The following NUDT7 variants were observed in gnomAD, a reference collection of about 807,000 sequenced individuals.
NUDT7 encodes the protein nudix hydrolase 7.
NUDT7 carries 19 observed loss-of-function variants against 13.1 expected under a neutral mutation model. That is an observed-to-expected ratio of 1.45 (90% CI 1.01 to 2.13). The LOEUF (loss-of-function observed/expected upper bound fraction) is 2.13, where lower values mean the gene tolerates loss of function less well. Ranked by LOEUF, NUDT7 falls within the 30% of genes most tolerant of loss-of-function variation. NUDT7 has a pLI of 0.00. For missense variants in NUDT7, 360 were observed against 291.7 expected, an observed-to-expected ratio of 1.23 and a Z score of -1.71; for synonymous variants, 132 against 109.7, an observed-to-expected ratio of 1.20 and a Z score of -1.27.
Position 77,742,207 on chromosome 16 carries a change from T to C in NUDT7, c.*257T>C. On this transcript the variant is annotated 3_prime_UTR_variant, in exon 4 of 4. Transcript: ENST00000268533. ...AATAATATTTTTCTTACACATATAA[T>C]AAAGAATATCTGGCACATACTAGGC... 1.0e-6 allele frequency: 1 copy of C among 971,288 alleles called. No homozygotes were observed. Among genetic ancestry groups the C allele is most frequent in the East Asian group, 5.4e-5 (1 of 18,414 alleles). The allele number at this position is 971,288 out of a possible 1,614,324, so 60.2% of individuals were successfully genotyped here. A position where few individuals can be genotyped will look rare whatever the true frequency, so the allele number is the denominator to read the frequency against.
chr16:77,722,559 C>G lies in NUDT7; in HGVS notation c.-24C>G. 4 of 1,577,564 alleles carry G rather than the reference C, an allele frequency of 2.5e-6. No homozygotes were observed. The highest frequency in any genetic ancestry group is 3.4e-6 in the Non-Finnish European group (4 of 1,160,860). Reference sequence around the variant, plus strand: ...ACCGAGCAGCTCCGAGGAGTCCGCCCGGAAACAAACATTCCCCAGGGCAAT... The same window carrying G: ...ACCGAGCAGCTCCGAGGAGTCCGCCGGGAAACAAACATTCCCCAGGGCAAT... On this transcript the variant is annotated 5_prime_UTR_variant, in exon 1 of 4. Transcript: ENST00000268533.
At chr16:77,725,336 T>G (rs2014096239) in intron 1 of NUDT7, 95 bp from the exon 2 acceptor site, 2 of 1,174,732 alleles carry the variant, frequency 1.7e-6, no homozygotes, top group Non-Finnish European at 2.4e-6. Flanking sequence ...GGCAAACTCC[T>G]AAATACACAA....
chr16:77,723,041 T>G (rs2014010507), intron 1 of NUDT7, among the ~76,000 whole-genome samples: 1 of 152,176 alleles, frequency 6.6e-6, no homozygotes, highest in African/African-American at 2.4e-5. Context: ...TGTGATCACT[T>G]GCCGGGCTGT....
chr16:77,732,089 G>A (rs113159376), intron 2 of NUDT7, among the ~76,000 whole-genome samples: 14,659 of 152,148 alleles, frequency 0.096, 814 homozygotes, highest in African/African-American at 0.16. Context: ...CACTTTGGGA[G>A]GCCAAGGTGG....
chr16:77,735,573 A>G, intron 2 of NUDT7: 2 of 566,246 alleles, frequency 3.5e-6, no homozygotes, highest in East Asian at 2.8e-5. Flanking sequence ...ATAGCAGTGC[A>G]AGAACAGATT....
At chr16:77,732,503 A>C (rs1286577266) in intron 2 of NUDT7, among the ~76,000 whole-genome samples, 1 of 152,120 alleles carries the variant, frequency 6.6e-6, no homozygotes, top group Non-Finnish European at 1.5e-5. Context: ...TTTATGGTAA[A>C]TGCCCCATAC....
At chr16:77,726,194 C>T (rs1567426397) in intron 2 of NUDT7, among the ~76,000 whole-genome samples, 1 of 152,240 alleles carries the variant, frequency 6.6e-6, no homozygotes, top group Non-Finnish European at 1.5e-5. Flanking sequence ...CCAGCTGTGA[C>T]TTTGGCCTCG....
At chr16:77,734,860 A>G (rs1359674080) in intron 2 of NUDT7, among the ~76,000 whole-genome samples, 1 of 152,072 alleles carries the variant, frequency 6.6e-6, no homozygotes, top group African/African-American at 2.4e-5. Context: ...ATGAGAATCA[A>G]CTGTTGTATG....
intron 3 of NUDT7, chr16:77,736,744 G>A (rs868401769): frequency 4.4e-6 from 1 of 226,864 alleles, no homozygotes; most frequent in Non-Finnish European, 9.4e-6. Context: ...GGGATTACAG[G>A]TGTGAACCAC....
At chr16:77,731,547 TTGATAA>T (rs767501213) in intron 2 of NUDT7, among the ~76,000 whole-genome samples, 7 of 152,324 alleles carry the variant, frequency 4.6e-5, no homozygotes, top group Non-Finnish European at 8.8e-5. Flanking sequence ...TATATAATAC[TTGATAA>T]TGATAAAAAA....
At chr16:77,730,353 C>T (rs923015945) in intron 2 of NUDT7, among the ~76,000 whole-genome samples, 5 of 152,158 alleles carry the variant, frequency 3.3e-5, no homozygotes, top group Non-Finnish European at 5.9e-5. Context: ...TTTTAATATT[C>T]CACATATGAA....
intron 3 of NUDT7, chr16:77,736,571 C>T (rs1009330560): frequency 5.4e-6 from 1 of 185,350 alleles, no homozygotes; most frequent in African/African-American, 2.3e-5. Flanking sequence ...TACATCAAAA[C>T]ATTTAAAATA....
intron 2 of NUDT7, chr16:77,735,300 G>A: frequency 2.4e-6 from 1 of 416,326 alleles, no homozygotes; most frequent in Middle Eastern, 6.1e-4. Flanking sequence ...TTCCCCCTTG[G>A]TACTGTCATC....
intron 2 of NUDT7, among the ~76,000 whole-genome samples, chr16:77,734,769 G>A (rs1012799912): frequency 6.6e-6 from 1 of 152,106 alleles, no homozygotes; most frequent in African/African-American, 2.4e-5. Flanking sequence ...AAAAACATAT[G>A]TGAAGGGAAA....
At chr16:77,733,885 G>A (rs1257645373) in intron 2 of NUDT7, among the ~76,000 whole-genome samples, 1 of 152,138 alleles carries the variant, frequency 6.6e-6, no homozygotes, top group Non-Finnish European at 1.5e-5. Context: ...AGGTCACTCT[G>A]CTGAGATATT....
chr16:77,724,213 C>G (rs962737965), intron 1 of NUDT7, among the ~76,000 whole-genome samples: 13 of 152,278 alleles, frequency 8.5e-5, no homozygotes, highest in Middle Eastern at 6.8e-3. Context: ...CTGCCGCCAT[C>G]TTCACATGGT....
chr16:77,725,117 G>C (rs1034236181), intron 1 of NUDT7, among the ~76,000 whole-genome samples: 4 of 152,172 alleles, frequency 2.6e-5, no homozygotes, highest in African/African-American at 9.7e-5. Flanking sequence ...CATCAAACCT[G>C]TCTTCTCTGA....
At chr16:77,725,943 C>G (rs56101135) in intron 2 of NUDT7, among the ~76,000 whole-genome samples, 3,846 of 152,226 alleles carry the variant, frequency 0.025, 162 homozygotes, top group African/African-American at 0.085. Flanking sequence ...GTAGCACACA[C>G]AAACACAAGC....
In NUDT7 at chr16:77,742,098, G is replaced by T; in HGVS notation, c.*148G>T. The T allele has an allele frequency of 2.1e-6, 3 of 1,398,760 alleles. No individual in the cohort carries two copies. The highest frequency in any genetic ancestry group is 2.8e-6 in the Non-Finnish European group (3 of 1,082,078). 86.6% of individuals were successfully genotyped at this position (1,398,760 alleles called of 1,614,324 possible). ...TAGAATCCTTGCCTCTTTTCCAGTT[G>T]CCTTCTATTGTCTGAAAAAGTAAAA... On this transcript the variant is annotated 3_prime_UTR_variant, in exon 4 of 4. Coordinates refer to ENST00000268533, the MANE Select transcript of NUDT7 (RefSeq NM_001105663.3).
Sources: allele counts gnomAD v4.1 joint callset (sites outside exome capture counted in the v4.1 genomes callset), GRCh38; gene constraint gnomAD v4.1.1; transcripts MANE v1.5; gene names NCBI Gene and HGNC (gene_info 2026-07-23, HGNC 2026-07-21).